The following CEP112 variants were observed in gnomAD, a reference collection of about 807,000 sequenced individuals.
CEP112 encodes the protein centrosomal protein of 112 kDa.
CEP112 carries 127 observed loss-of-function variants against 153.0 expected under a neutral mutation model. The ratio of observed to expected loss-of-function variants is 0.83; its 90% CI spans 0.72 to 0.96. CEP112 has a LOEUF of 0.96. Among genes scored for constraint, CEP112 ranks in the 40% least tolerant of loss-of-function variants. CEP112 has a pLI of 0.00. For missense variants in CEP112, 1,089 were observed against 1,101.2 expected (o/e 0.99, Z 0.16); for synonymous variants, 358 against 374.4 (o/e 0.96, Z 0.51).
chr17:65,864,137 C>A (rs1026899634), intron 20 of CEP112, among the ~76,000 whole-genome samples: 92 of 137,160 alleles, frequency 6.7e-4, no homozygotes, highest in Non-Finnish European at 7.2e-4. Flanking sequence ...TGAGACTCCT[C>A]AAAAAAAAAA....
intron 20 of CEP112, among the ~76,000 whole-genome samples, chr17:65,896,766 C>A (rs1229611636): frequency 6.6e-6 from 1 of 152,002 alleles, no homozygotes; most frequent in African/African-American, 2.4e-5. Flanking sequence ...TTATGAAAAA[C>A]TCTATCAATA....
chr17:66,010,691 C>T (rs2064484349), intron 16 of CEP112, among the ~76,000 whole-genome samples: 1 of 152,066 alleles, frequency 6.6e-6, no homozygotes, highest in Admixed American at 6.6e-5. Flanking sequence ...TTATCAAAAG[C>T]CTTTTCTGCA....
chr17:65,668,293 C>T (rs2046800452), intron 24 of CEP112, among the ~76,000 whole-genome samples: 1 of 152,150 alleles, frequency 6.6e-6, no homozygotes, highest in Non-Finnish European at 1.5e-5. Context: ...GTAAACAATT[C>T]ACACATCGAA....
At position 65,743,136 on chromosome 17, in the gene CEP112, G is replaced by C; in HGVS notation, c.2539C>G (p.Gln847Glu). The C allele has an allele frequency of 6.2e-7, 1 of 1,612,812 alleles. No homozygotes were observed. The highest frequency in any genetic ancestry group is 1.1e-5 in the South Asian group (1 of 90,738). The change falls in exon 23 of 27, where the codon CAG becomes GAG. Residue 847 changes from glutamine to glutamate, a missense_variant. Gln to Glu is a conservative substitution (Grantham distance 29). Coordinates refer to ENST00000535342, the MANE Select transcript of CEP112 (RefSeq NM_001199165.4). The part of the protein sequence containing the change: ...QQQLAAERRL[Q>E]DVRQKFEDEK... ...TCTTCAAACTTTTGTCTAACATCCTGGAGCCGCCTTTCTGCAGCAAGCTGC... is the reference window on the plus strand; with the variant it reads ...TCTTCAAACTTTTGTCTAACATCCTCGAGCCGCCTTTCTGCAGCAAGCTGC...
intron 6 of CEP112, among the ~76,000 whole-genome samples, chr17:66,125,722 C>A: frequency 6.8e-6 from 1 of 147,514 alleles, no homozygotes; most frequent in African/African-American, 2.5e-5. Context: ...CAATAAAGAC[C>A]CATGAAGAAG....
chr17:65,971,840 A>C (rs1024816512), intron 17 of CEP112, among the ~76,000 whole-genome samples: 32 of 152,192 alleles, frequency 2.1e-4, no homozygotes, highest in Admixed American at 2.0e-3. Context: ...AAGAAAGTAA[A>C]TTTACAGTAC....
chr17:65,712,995 G>T (rs1056298326), intron 23 of CEP112, among the ~76,000 whole-genome samples: 3 of 152,156 alleles, frequency 2.0e-5, no homozygotes, highest in African/African-American at 7.2e-5. Flanking sequence ...CAGACATAAG[G>T]CACAAAATAA....
chr17:66,134,229 T>C (rs1299417222), intron 4 of CEP112, among the ~76,000 whole-genome samples: 2 of 152,224 alleles, frequency 1.3e-5, no homozygotes, highest in Non-Finnish European at 2.9e-5. Flanking sequence ...CTGAAATGTT[T>C]ATCTATTTAT....
At chr17:65,704,019 G>A (rs1163271166) in intron 23 of CEP112, among the ~76,000 whole-genome samples, 1 of 151,924 alleles carries the variant, frequency 6.6e-6, no homozygotes, top group African/African-American at 2.4e-5. Flanking sequence ...TAGGATCCTT[G>A]CAGACATAAT....
chr17:65,914,401 CTTTTT>C (rs1228098913), intron 19 of CEP112, among the ~76,000 whole-genome samples: 1 of 151,776 alleles, frequency 6.6e-6, no homozygotes, highest in African/African-American at 2.4e-5. Flanking sequence ...TCTTTACTTT[CTTTTT>C]ATTTTCCTTA....
At chr17:65,644,219 G>A (rs2045308278) in intron 24 of CEP112, 2 of 659,612 alleles carry the variant, frequency 3.0e-6, no homozygotes, top group Admixed American at 4.6e-5. Context: ...GGCCATAGCT[G>A]GGGGAACTGG....
intron 23 of CEP112, among the ~76,000 whole-genome samples, chr17:65,725,424 T>G (rs2050121499): frequency 1.3e-5 from 2 of 152,060 alleles, no homozygotes; most frequent in Admixed American, 6.6e-5. Flanking sequence ...TTCAAGTGAT[T>G]CTCCTATCTC....
intron 22 of CEP112, among the ~76,000 whole-genome samples, chr17:65,748,216 G>A (rs11655941): frequency 0.067 from 10,151 of 152,238 alleles, 445 homozygotes; most frequent in Non-Finnish European, 0.1. Flanking sequence ...TCAATGTAAG[G>A]TTATCATCCT....
At chr17:65,844,670 C>T (rs991457695) in intron 21 of CEP112, among the ~76,000 whole-genome samples, 3 of 144,872 alleles carry the variant, frequency 2.1e-5, no homozygotes, top group Non-Finnish European at 4.5e-5. Context: ...AAGGAAGACT[C>T]TATCTCAAAA....
At chr17:65,800,668 T>G (rs1186594160) in intron 21 of CEP112, among the ~76,000 whole-genome samples, 1 of 152,244 alleles carries the variant, frequency 6.6e-6, no homozygotes, top group African/African-American at 2.4e-5. Context: ...AAGTTTAATT[T>G]TTTGAGAAAC....
chr17:65,968,256 A>G (rs1016609269), intron 17 of CEP112, among the ~76,000 whole-genome samples: 2 of 152,156 alleles, frequency 1.3e-5, no homozygotes, highest in African/African-American at 4.8e-5. Context: ...AGGAATAAAG[A>G]AAAAAGGCTG....
At chr17:65,674,226 C>T (rs1433268324) in intron 24 of CEP112, among the ~76,000 whole-genome samples, 1 of 152,160 alleles carries the variant, frequency 6.6e-6, no homozygotes, top group Non-Finnish European at 1.5e-5. Flanking sequence ...AAACAATTAG[C>T]AATAAATGTG....
chr17:65,880,954 T>C (rs550728926), intron 20 of CEP112, among the ~76,000 whole-genome samples: 38 of 152,142 alleles, frequency 2.5e-4, no homozygotes, highest in Non-Finnish European at 4.7e-4. Flanking sequence ...TGGTGGCTCA[T>C]ACCTGTAATC....
intron 20 of CEP112, among the ~76,000 whole-genome samples, chr17:65,881,182 A>G (rs2059057282): frequency 6.6e-6 from 1 of 152,154 alleles, no homozygotes; most frequent in Non-Finnish European, 1.5e-5. Flanking sequence ...GCGCCACTGC[A>G]CTCCAGCCTG....
Sources: allele counts gnomAD v4.1 joint callset (sites outside exome capture counted in the v4.1 genomes callset), GRCh38; gene constraint gnomAD v4.1.1; transcripts MANE v1.5; gene names NCBI Gene and HGNC (gene_info 2026-07-23, HGNC 2026-07-21).